The following CAMSAP1 variants were observed in gnomAD, a reference collection of about 807,000 sequenced individuals.
CAMSAP1 encodes calmodulin-regulated spectrin-associated protein 1.
Under a neutral mutation model 143.5 loss-of-function variants are expected in CAMSAP1, and 58 were observed. The observed-to-expected ratio is 0.40, with a 90% CI of 0.33 to 0.50. The LOEUF is 0.50. Ranked by LOEUF, CAMSAP1 falls within the 20% of genes least tolerant of loss-of-function variation. The pLI is 0.45. For missense variants in CAMSAP1, 1,969 were observed against 2,115.7 expected, an observed-to-expected ratio of 0.93 and a Z score of 1.36; for synonymous variants, 945 against 859.3, an observed-to-expected ratio of 1.10 and a Z score of -1.74.
At chr9:135,852,543 A>G (rs932936871) in intron 5 of CAMSAP1, among the ~76,000 whole-genome samples, 5 of 152,156 alleles carry the variant, frequency 3.3e-5, no homozygotes, top group Admixed American at 3.3e-4. Context: ...ACTTTCCCAT[A>G]GAGATGTCTA....
Position 135,818,980 on chromosome 9 carries a change from G to C in CAMSAP1, c.3959+30C>G. The C allele has an allele frequency of 2.5e-6, 4 of 1,599,890 alleles. No homozygotes were observed. Among genetic ancestry groups the C allele is most frequent in the African/African-American group, 1.3e-5 (1 of 74,892 alleles). On this transcript the variant is annotated intron_variant, in intron 12 of 16. Coordinates refer to ENST00000389532, the MANE Select transcript of CAMSAP1 (RefSeq NM_015447.4). This position sits in a 1 kb window ranked among gnomAD's most constrained non-coding sequence, Gnocchi z 7.7. ...CAGGGACCCACCAGGCTCCTGCTCA[G>C]TCTGCTTTCCCCCCCGGCGGGACGC...
In CAMSAP1 at chr9:135,810,317, G is replaced by A. The variant is rs1344716497; in HGVS notation, c.*992C>T. The A allele has an allele frequency of 6.6e-6, 1 of 152,230 alleles. No homozygotes were observed. Among genetic ancestry groups the A allele is most frequent in the Non-Finnish European group, 1.5e-5 (1 of 68,038 alleles). The allele number at this position is 152,230 out of a possible 1,614,324, so 9.4% of individuals were successfully genotyped here. On this transcript the variant is annotated 3_prime_UTR_variant, in exon 17 of 17. Coordinates refer to ENST00000389532, the MANE Select transcript of CAMSAP1 (RefSeq NM_015447.4). Reference sequence around the variant, plus strand: ...CCTCTGAGAGCATGCAGCGCTTCCAGATGCAGAATCCAGACAGGACAAGCC... The same window carrying A: ...CCTCTGAGAGCATGCAGCGCTTCCAAATGCAGAATCCAGACAGGACAAGCC...
intron 11 of CAMSAP1, 42 bp from the exon 12 acceptor site, chr9:135,819,188 C>CTG: frequency 6.4e-7 from 1 of 1,571,848 alleles, no homozygotes; most frequent in Non-Finnish European, 8.6e-7. Context: ...GGAACCCCCT[C>CTG]AGACGCCGGA....
chr9:135,898,864 T>C (rs548661079), intron 1 of CAMSAP1, among the ~76,000 whole-genome samples: 2 of 152,330 alleles, frequency 1.3e-5, no homozygotes, highest in South Asian at 4.1e-4. Context: ...CACAGCTGTT[T>C]AAGATAAATG....
chr9:135,903,615 T>C (rs557471654), intron 1 of CAMSAP1, among the ~76,000 whole-genome samples: 75 of 152,354 alleles, frequency 4.9e-4, no homozygotes, highest in African/African-American at 1.8e-3. Context: ...GCCCTGGAGT[T>C]TCAGCAGGCT....
chr9:135,879,357 AAATGAG>A (rs1837856656), intron 3 of CAMSAP1, among the ~76,000 whole-genome samples: 2 of 152,188 alleles, frequency 1.3e-5, no homozygotes, highest in Admixed American at 1.3e-4. Context: ...AATGCACAGC[AAATGAG>A]AAACGTGACC....
At position 135,842,032 on chromosome 9, in the gene CAMSAP1, G is replaced by A. The variant is rs111716124; in HGVS notation, c.1045+8105C>T. On this transcript the variant is annotated intron_variant, in intron 7 of 16. Coordinates refer to ENST00000389532, the MANE Select transcript of CAMSAP1 (RefSeq NM_015447.4). ...CTGACAGAAGTAGGCTTCAGAAGGT[G>A]GGGAATAACAAATTCCTCTGAGCTA... Among the ~76,000 whole-genome samples the A allele has an allele frequency of 3.5e-3, 532 of 152,234 alleles. 3 individuals are homozygous for A. The highest frequency in any genetic ancestry group is 0.014 in the Middle Eastern group (4 of 294).
rs573033795 is a variant in CAMSAP1, at chr9:135,889,240, C to A, written c.161-6162G>T. 2.0e-5 allele frequency among the ~76,000 whole-genome samples: 3 copies of A among 152,280 alleles called. No individual in the cohort carries two copies. In the South Asian group the frequency reaches 6.2e-4, roughly 32 times the overall value. ...AGCAGGTCAGGGCCTGCAGTCTCGA[C>A]GTAACTGGGTGGACTACCTGCTAGA... On this transcript the variant is annotated intron_variant, in intron 1 of 16. Transcript: ENST00000389532.
intron 1 of CAMSAP1, among the ~76,000 whole-genome samples, chr9:135,891,201 C>T (rs376353716): frequency 5.9e-5 from 9 of 152,158 alleles, no homozygotes; most frequent in African/African-American, 2.2e-4. Context: ...CTTTTCTCTC[C>T]CAGCCTGACC....
At chr9:135,852,819 T>C (rs553675051) in intron 5 of CAMSAP1, among the ~76,000 whole-genome samples, 1 of 152,202 alleles carries the variant, frequency 6.6e-6, no homozygotes, top group South Asian at 2.1e-4. Context: ...ACAAAATAAA[T>C]AATGAAAGTA....
chr9:135,819,848 A>G (rs916427955), intron 11 of CAMSAP1, among the ~76,000 whole-genome samples: 1 of 151,706 alleles, frequency 6.6e-6, no homozygotes, highest in Non-Finnish European at 1.5e-5. Context: ...CTCTGTCCAA[A>G]AAAAAAAAAG....
chr9:135,844,710 C>A (rs1232285900), intron 7 of CAMSAP1, among the ~76,000 whole-genome samples: 2 of 152,180 alleles, frequency 1.3e-5, no homozygotes, highest in African/African-American at 4.8e-5. Context: ...CGCAGAAATA[C>A]AAACTACCAT....
chr9:135,832,352 T>A (rs1255478612), intron 7 of CAMSAP1, among the ~76,000 whole-genome samples: 1 of 151,516 alleles, frequency 6.6e-6, no homozygotes, highest in Non-Finnish European at 1.5e-5. Context: ...GCATCTAAGT[T>A]CAACATCCAT....
At position 135,818,695 on chromosome 9, in the gene CAMSAP1, G is replaced by A; in HGVS notation, c.3960-79C>T. ...GCCTGCGCCGCGGCGCTCTGTCCAG[G>A]CGCGTTTCTCGGGTTCTCCCCGGCC... On this transcript the variant is annotated intron_variant, in intron 12 of 16. Coordinates refer to ENST00000389532, the MANE Select transcript of CAMSAP1 (RefSeq NM_015447.4). The surrounding 1 kb of genome is among the most constrained non-coding windows in gnomAD (Gnocchi z 7.7). 13 of 1,494,100 alleles carry A rather than the reference G, an allele frequency of 8.7e-6. No homozygotes were observed. The highest frequency in any genetic ancestry group is 1.1e-5 in the Non-Finnish European group (12 of 1,112,446). 92.6% of individuals were successfully genotyped at this position (1,494,100 alleles called of 1,614,324 possible). A position where few individuals can be genotyped will look rare whatever the true frequency, so the allele number is the denominator to read the frequency against.
intron 3 of CAMSAP1, among the ~76,000 whole-genome samples, chr9:135,870,305 C>G (rs1837527395): frequency 6.6e-6 from 1 of 152,186 alleles, no homozygotes; most frequent in Non-Finnish European, 1.5e-5. Context: ...CCCACTCTTG[C>G]TTGCTCTCTC....
rs1454400635 is a variant in CAMSAP1 at position 135,907,170 on chromosome 9, A to G, written c.-11T>C. On this transcript the variant is annotated 5_prime_UTR_variant, in exon 1 of 17. Coordinates refer to ENST00000389532, the MANE Select transcript of CAMSAP1 (RefSeq NM_015447.4). Reference sequence around the variant, plus strand: ...GCTCGCGTCCACCATCTGCAGACAAAGGGCTGAGGCGGCGGCCCGGCCGCA... The same window carrying G: ...GCTCGCGTCCACCATCTGCAGACAAGGGGCTGAGGCGGCGGCCCGGCCGCA... 8.3e-6 allele frequency: 9 copies of G among 1,082,482 alleles called. No homozygotes were observed. Among genetic ancestry groups the G allele is most frequent in the African/African-American group, 1.7e-5 (1 of 58,550 alleles). 67.1% of individuals were successfully genotyped at this position (1,082,482 alleles called of 1,614,324 possible).
chr9:135,848,331 T>C (rs1357556784), intron 7 of CAMSAP1, among the ~76,000 whole-genome samples: 3 of 152,088 alleles, frequency 2.0e-5, no homozygotes, highest in South Asian at 2.1e-4. Flanking sequence ...TTCTTTCTTA[T>C]TGTAAAATAG....
At position 135,821,018 on chromosome 9, in the gene CAMSAP1, C is replaced by A. The variant is rs1179905625; in HGVS notation, c.3643G>T (p.Val1215Phe). Residue 1215 changes from valine to phenylalanine, a missense_variant, in exon 11 of 17, where the codon GTC (valine) becomes TTC (phenylalanine). Val to Phe is a conservative substitution (Grantham distance 50, BLOSUM62 -1). Transcript: ENST00000389532. The surrounding 1 kb of genome is among the most constrained non-coding windows in gnomAD (Gnocchi z 4.6). ...VKEVGSSSSD[V>F]SGKESVPVEE... Reference sequence around the variant, plus strand: ...ACGGGGACGCTCTCTTTTCCCGAGACATCTGAGGAGCTGGACCCCACCTCC... The same window carrying A: ...ACGGGGACGCTCTCTTTTCCCGAGAAATCTGAGGAGCTGGACCCCACCTCC... The A allele has an allele frequency of 6.2e-7, 1 of 1,613,498 alleles. No homozygotes were observed. Among genetic ancestry groups the A allele is most frequent in the Non-Finnish European group, 8.5e-7 (1 of 1,179,552 alleles).
chr9:135,818,804 C>G lies in CAMSAP1; in HGVS notation c.3960-188G>C, dbSNP rs28466280. Among the ~76,000 whole-genome samples, 2,972 of 152,342 alleles carry G rather than the reference C, an allele frequency of 0.02. 92 individuals carry two copies. Among genetic ancestry groups the G allele is most frequent in the African/African-American group, 0.066 (2,762 of 41,576 alleles). On this transcript the variant is annotated intron_variant, in intron 12 of 16. Coordinates refer to ENST00000389532, the MANE Select transcript of CAMSAP1 (RefSeq NM_015447.4). The surrounding 1 kb of genome is among the most constrained non-coding windows in gnomAD (Gnocchi z 7.7). ...CTGCAGATGACCCACCGAGGCCACA[C>G]AGCCTCCCTGGCCACCGGCAACGCA...
Sources: allele counts gnomAD v4.1 joint callset (sites outside exome capture counted in the v4.1 genomes callset), GRCh38; gene constraint gnomAD v4.1.1; non-coding constraint Gnocchi (gnomAD v3.1); transcripts MANE v1.5; gene names NCBI Gene and HGNC (gene_info 2026-07-23, HGNC 2026-07-21).